Variants in FNDC3B observed in about 807,000 individuals in gnomAD.
FNDC3B encodes fibronectin type III domain-containing protein 3B.
FNDC3B carries 12 observed loss-of-function variants against 151.5 expected under a neutral mutation model. That is an observed-to-expected ratio of 0.08 (90% CI 0.05 to 0.13). The LOEUF is 0.13. Ranked by LOEUF, FNDC3B falls within the 10% of genes least tolerant of loss-of-function variation. The pLI is 1.00. For missense variants in FNDC3B, 1,214 were observed against 1,505.3 expected, an observed-to-expected ratio of 0.81 and a Z score of 3.20; for synonymous variants, 528 against 549.0, an observed-to-expected ratio of 0.96 and a Z score of 0.54.
intron 2 of FNDC3B, among the ~76,000 whole-genome samples, chr3:172,128,106 G>A (rs1013645003): frequency 1.3e-5 from 2 of 152,188 alleles, no homozygotes; most frequent in African/African-American, 4.8e-5. Flanking sequence ...GTTGTGTTGA[G>A]CAAGGGGAGC....
chr3:172,265,281 A>G (rs1054728278), intron 6 of FNDC3B, among the ~76,000 whole-genome samples: 9 of 152,354 alleles, frequency 5.9e-5, no homozygotes, highest in South Asian at 4.1e-4. Flanking sequence ...AGCTGTTGGT[A>G]TGCTAGAATT....
intron 2 of FNDC3B, among the ~76,000 whole-genome samples, chr3:172,115,115 T>A (rs921888890): frequency 3.9e-5 from 6 of 152,212 alleles, no homozygotes; most frequent in African/African-American, 1.4e-4. Flanking sequence ...GGCAGTGGCC[T>A]CTGTGCTTGA....
intron 1 of FNDC3B, among the ~76,000 whole-genome samples, chr3:172,098,127 T>A (rs1719181866): frequency 6.6e-6 from 1 of 152,138 alleles, no homozygotes; most frequent in Non-Finnish European, 1.5e-5. Flanking sequence ...AGCAGCTGCC[T>A]CTTTTCTTGT....
chr3:172,248,900 A>T (rs1305251101), intron 5 of FNDC3B, among the ~76,000 whole-genome samples: 1 of 151,750 alleles, frequency 6.6e-6, no homozygotes, highest in Non-Finnish European at 1.5e-5. Context: ...GAAATTTGAC[A>T]TGATTCAAAT....
intron 3 of FNDC3B, among the ~76,000 whole-genome samples, chr3:172,157,877 A>G (rs1722573511): frequency 6.6e-6 from 1 of 152,230 alleles, no homozygotes; most frequent in Admixed American, 6.5e-5. Flanking sequence ...CCCAGAATGC[A>G]TAGGTTAAAA....
Position 172,392,814 on chromosome 3 carries a change from T to TTTTTTTTC in FNDC3B, c.3304-4343_3304-4342insCTTTTTTT, listed in dbSNP as rs1274788643. Among the ~76,000 whole-genome samples, 6 of 136,682 alleles carry TTTTTTTTC rather than the reference T, an allele frequency of 4.4e-5. 1 individual carries two copies. The highest frequency in any genetic ancestry group is 8.0e-5 in the Non-Finnish European group (5 of 62,800). The allele number at this position is 136,682 out of a possible 152,430, so 89.7% of individuals were successfully genotyped here. A position where few individuals can be genotyped will look rare whatever the true frequency, so the allele number is the denominator to read the frequency against. On this transcript the variant is annotated intron_variant, in intron 25 of 25. Coordinates refer to ENST00000415807, the MANE Select transcript of FNDC3B (RefSeq NM_022763.4). ...GAATTTTTTCTTTTTTTTTTTCTTT[T>TTTTTTTTC]TTTTTTTTCAGACAGAGAGTATTGC...
At chr3:172,222,653 C>T (rs1052894686) in intron 3 of FNDC3B, among the ~76,000 whole-genome samples, 1 of 152,114 alleles carries the variant, frequency 6.6e-6, no homozygotes, top group Non-Finnish European at 1.5e-5. Context: ...TCCCTCTTCA[C>T]GATAGGGTTC....
chr3:172,153,894 A>G (rs2108606677), intron 3 of FNDC3B, among the ~76,000 whole-genome samples: 1 of 152,192 alleles, frequency 6.6e-6, no homozygotes. Context: ...TAGTAAAGAA[A>G]CAAAAACCTA....
intron 22 of FNDC3B, among the ~76,000 whole-genome samples, chr3:172,361,670 G>A (rs1395540450): frequency 6.6e-6 from 1 of 152,118 alleles, no homozygotes; most frequent in Admixed American, 6.6e-5. Flanking sequence ...CTCTTCCAGT[G>A]TCTGCCCATT....
At chr3:172,377,497 C>A (rs1215017278) in intron 23 of FNDC3B, among the ~76,000 whole-genome samples, 1 of 152,288 alleles carries the variant, frequency 6.6e-6, no homozygotes, top group Admixed American at 6.5e-5. Flanking sequence ...GGGGAAAACA[C>A]CTAAAACATA....
In FNDC3B at chr3:172,381,092, A is replaced by G; in HGVS notation, c.3302A>G (p.Gln1101Arg). ...GTTGGAAGAGAATCTGAGTACAAAC[A>G]GGTAAGAACCAGTGTGCATGGCACA... ...VLVGRESEYK[Q>R]VYKGEEATFQ... Residue 1101 changes from glutamine (Q) to arginine (R), a missense_variant and splice_region_variant, in exon 25 of 26, where the codon CAG becomes CGG. Physicochemically the swap from Gln to Arg is conservative, Grantham distance 43. Transcript: ENST00000415807. The G allele has an allele frequency of 7.4e-6, 12 of 1,613,268 alleles. No homozygotes were observed. The highest frequency in any genetic ancestry group is 1.0e-5 in the Non-Finnish European group (12 of 1,179,388).
rs564901754 is a variant in FNDC3B, at chr3:172,384,745, G to A, written c.3303+3652G>A. ...GCCAAACTATAGGTGAATCTATTCA[G>A]TAATTTAGATTTTATTGGCAGATGA... On this transcript the variant is annotated intron_variant, in intron 25 of 25. Coordinates refer to ENST00000415807, the MANE Select transcript of FNDC3B (RefSeq NM_022763.4). Among the ~76,000 whole-genome samples, 16 of 152,302 alleles carry A rather than the reference G, an allele frequency of 1.1e-4. 1 individual carries two copies. Among genetic ancestry groups the A allele is most frequent in the South Asian group, 8.3e-4 (4 of 4,830 alleles).
chr3:172,312,787 G>A (rs1370277321), intron 11 of FNDC3B, among the ~76,000 whole-genome samples: 1 of 152,028 alleles, frequency 6.6e-6, no homozygotes, highest in East Asian at 1.9e-4. Context: ...AGAAAACTCG[G>A]GTGCTGCAGG....
chr3:172,397,137 T>C, intron 25 of FNDC3B, 27 bp from the exon 26 acceptor site: 1 of 1,540,958 alleles, frequency 6.5e-7, no homozygotes, highest in Non-Finnish European at 8.8e-7. Context: ...TATAAATTAA[T>C]TAACTAGGAC....
intron 3 of FNDC3B, among the ~76,000 whole-genome samples, chr3:172,171,805 T>A (rs1723298955): frequency 6.8e-6 from 1 of 146,312 alleles, no homozygotes; most frequent in African/African-American, 2.6e-5. Context: ...AAAAAAAAAA[T>A]CCAATAGTGG....
chr3:172,307,579 G>A, intron 10 of FNDC3B, 78 bp downstream of exon 10: 1 of 1,471,396 alleles, frequency 6.8e-7, no homozygotes. Context: ...CCTAGTCCCA[G>A]CTACCTGGGA....
intron 3 of FNDC3B, among the ~76,000 whole-genome samples, chr3:172,223,349 A>G (rs1049856310): frequency 3.3e-5 from 5 of 152,218 alleles, no homozygotes; most frequent in South Asian, 2.1e-4. Flanking sequence ...GGCAAGGTGG[A>G]GTTTTGGAAA....
intron 3 of FNDC3B, among the ~76,000 whole-genome samples, chr3:172,168,984 A>G (rs1336120387): frequency 6.6e-6 from 1 of 151,840 alleles, no homozygotes; most frequent in African/African-American, 2.4e-5. Flanking sequence ...AAGTGCTGGG[A>G]TTACAGGCGC....
chr3:172,340,506 A>T (rs1387675419), intron 16 of FNDC3B, among the ~76,000 whole-genome samples: 1 of 152,038 alleles, frequency 6.6e-6, no homozygotes, highest in African/African-American at 2.4e-5. Flanking sequence ...GACTGGTCTC[A>T]AACTCCTGAC....
Sources: gnomAD v4.1 joint callset for allele counts (sites outside exome capture counted in the v4.1 genomes callset) on GRCh38, gnomAD v4.1.1 for gene constraint, MANE v1.5 for transcripts, NCBI Gene and HGNC (gene_info 2026-07-23, HGNC 2026-07-21) for gene names.